The following GALNTL6 variants were observed in gnomAD, a reference collection of about 807,000 sequenced individuals.
GALNTL6 encodes polypeptide N-acetylgalactosaminyltransferase like 6.
GALNTL6 carries 46 observed loss-of-function variants against 73.7 expected under a neutral mutation model. The observed-to-expected ratio is 0.62, with a 90% CI of 0.49 to 0.80. GALNTL6 has a LOEUF of 0.80. Ranked by LOEUF, GALNTL6 falls within the 30% of genes least tolerant of loss-of-function variation. The pLI is 0.00. For missense variants in GALNTL6, 604 were observed against 755.0 expected (o/e 0.80, Z 2.34); for synonymous variants, 259 against 263.7 (o/e 0.98, Z 0.17).
chr4:172,952,334 G>A, intron 10 of GALNTL6, 76 bp downstream of exon 10: 1 of 1,022,200 alleles, frequency 9.8e-7, no homozygotes, highest in African/African-American at 1.6e-5. Context: ...GTGGTGGGAG[G>A]GACTGCTAAA....
rs141649363 is a variant in GALNTL6 at position 172,685,066 on chromosome 4, C to T, written c.554-124295C>T. On this transcript the variant is annotated intron_variant, in intron 5 of 12. Transcript: ENST00000506823. Reference sequence around the variant, plus strand: ...AAGATATGGCCTTGCACATATTAAGCATTCTATTACTTGAGTTTTCAAAAA... The same window carrying T: ...AAGATATGGCCTTGCACATATTAAGTATTCTATTACTTGAGTTTTCAAAAA... Among the ~76,000 whole-genome samples, 167 of 152,180 alleles carry T rather than the reference C, an allele frequency of 1.1e-3. 1 individual carries two copies. Among genetic ancestry groups the T allele is most frequent in the African/African-American group, 3.9e-3 (161 of 41,532 alleles).
At position 173,004,817 on chromosome 4, in the gene GALNTL6, T is replaced by C. The variant is rs183155241; in HGVS notation, c.1372-4361T>C. ...TGCACAAAGGATAGGACTGGTTCTT[T>C]TTTAATTTTTTGCTGTATACCTGGT... On this transcript the variant is annotated intron_variant, in intron 10 of 12. Coordinates refer to ENST00000506823, the MANE Select transcript of GALNTL6 (RefSeq NM_001034845.3). 1.2e-3 allele frequency among the ~76,000 whole-genome samples: 187 copies of C among 152,262 alleles called. 1 individual carries two copies. Among genetic ancestry groups the C allele is most frequent in the Non-Finnish European group, 2.2e-3 (152 of 68,014 alleles).
chr4:173,021,385 T>C, intron 11 of GALNTL6, 91 bp from the exon 12 acceptor site: 1 of 1,316,866 alleles, frequency 7.6e-7, no homozygotes, highest in Non-Finnish European at 1.1e-6. Context: ...GCAGGAGTTC[T>C]ACATTGCTAA....
intron 8 of GALNTL6, among the ~76,000 whole-genome samples, chr4:172,904,883 A>G (rs1282241438): frequency 1.3e-5 from 2 of 152,196 alleles, no homozygotes; most frequent in Non-Finnish European, 2.9e-5. Flanking sequence ...AACAAGACTA[A>G]TACTTCAAGG....
chr4:172,746,064 GATA>G (rs1456912133), intron 5 of GALNTL6, among the ~76,000 whole-genome samples: 2 of 151,996 alleles, frequency 1.3e-5, no homozygotes, highest in South Asian at 4.1e-4. Flanking sequence ...AAATTATAAT[GATA>G]ATAATAACAT....
At chr4:172,746,574 C>G (rs777038220) in intron 5 of GALNTL6, among the ~76,000 whole-genome samples, 1 of 151,796 alleles carries the variant, frequency 6.6e-6, no homozygotes, top group African/African-American at 2.4e-5. Flanking sequence ...TAATATTTTG[C>G]AGTTCTTAGC....
At chr4:171,842,713 C>T (rs1348026181) in intron 2 of GALNTL6, among the ~76,000 whole-genome samples, 1 of 152,058 alleles carries the variant, frequency 6.6e-6, no homozygotes, top group Non-Finnish European at 1.5e-5. Context: ...ACTCACTTAG[C>T]ACCAAGGGAA....
In GALNTL6 at chr4:171,844,379, G is replaced by A. The variant is rs185126351; in HGVS notation, c.138+29661G>A. 1.1e-4 allele frequency among the ~76,000 whole-genome samples: 17 copies of A among 152,034 alleles called. No individual in the cohort carries two copies. The East Asian group carries it at 2.3e-3, about 21-fold the overall frequency. On this transcript the variant is annotated intron_variant, in intron 2 of 12. Coordinates refer to ENST00000506823, the MANE Select transcript of GALNTL6 (RefSeq NM_001034845.3). ...TGAGATGCCCATCATTGTCACTTTCGTGTTCACTGATAGAGGCACCATCAT... is the reference window on the plus strand; with the variant it reads ...TGAGATGCCCATCATTGTCACTTTCATGTTCACTGATAGAGGCACCATCAT...
intron 5 of GALNTL6, among the ~76,000 whole-genome samples, chr4:172,561,393 G>A (rs1055744791): frequency 2.0e-5 from 3 of 151,934 alleles, no homozygotes; most frequent in Non-Finnish European, 4.4e-5. Context: ...TCTTTAACTG[G>A]GTTAATTTTT....
At chr4:172,706,263 T>A (rs1213352882) in intron 5 of GALNTL6, among the ~76,000 whole-genome samples, 1 of 152,036 alleles carries the variant, frequency 6.6e-6, no homozygotes, top group East Asian at 1.9e-4. Context: ...GTATTTTTCA[T>A]TTTGACCATT....
At chr4:172,895,967 TTTA>T (rs1313799270) in intron 8 of GALNTL6, among the ~76,000 whole-genome samples, 2 of 152,226 alleles carry the variant, frequency 1.3e-5, no homozygotes, top group African/African-American at 2.4e-5. Flanking sequence ...CTCTGTGATT[TTTA>T]TTATTATTTC....
At chr4:172,020,982 T>C (rs182143449) in intron 2 of GALNTL6, among the ~76,000 whole-genome samples, 183 of 152,206 alleles carry the variant, frequency 1.2e-3, no homozygotes, top group Admixed American at 1.8e-3. Flanking sequence ...ATCCCGGGGA[T>C]GCAAGGATGG....
intron 10 of GALNTL6, among the ~76,000 whole-genome samples, chr4:172,990,327 AT>A (rs1465529146): frequency 6.6e-6 from 1 of 152,160 alleles, no homozygotes; most frequent in Non-Finnish European, 1.5e-5. Context: ...TATTTTTTTA[AT>A]TTTTGTTCAT....
intron 2 of GALNTL6, among the ~76,000 whole-genome samples, chr4:172,151,954 C>G (rs201351451): frequency 1.2e-5 from 1 of 84,272 alleles, no homozygotes; most frequent in African/African-American, 3.1e-5. Flanking sequence ...ATCTATCTAT[C>G]TATCTATCTA....
intron 5 of GALNTL6, among the ~76,000 whole-genome samples, chr4:172,385,353 T>A (rs1743428687): frequency 1.3e-5 from 2 of 152,106 alleles, no homozygotes; most frequent in Admixed American, 1.3e-4. Flanking sequence ...GTTGTTCTAT[T>A]CATTGTTGAA....
intron 7 of GALNTL6, among the ~76,000 whole-genome samples, chr4:172,846,561 T>C (rs1579559869): frequency 6.6e-6 from 1 of 152,148 alleles, no homozygotes; most frequent in Admixed American, 6.5e-5. Context: ...TTTTTTGTAA[T>C]ATGGCAAAGA....
chr4:172,382,063 G>A (rs1743302906), intron 5 of GALNTL6, among the ~76,000 whole-genome samples: 1 of 152,140 alleles, frequency 6.6e-6, no homozygotes, highest in Non-Finnish European at 1.5e-5. Flanking sequence ...TCCACCTCCT[G>A]GGTTCAAGCA....
intron 10 of GALNTL6, among the ~76,000 whole-genome samples, chr4:172,982,958 A>G (rs533010779): frequency 2.6e-5 from 4 of 152,236 alleles, no homozygotes; most frequent in African/African-American, 4.8e-5. Context: ...AGAGAGTGCA[A>G]TAATAGACAA....
intron 5 of GALNTL6, among the ~76,000 whole-genome samples, chr4:172,546,645 A>C (rs1038628014): frequency 4.7e-5 from 7 of 150,504 alleles, no homozygotes; most frequent in Non-Finnish European, 5.9e-5. Flanking sequence ...TTTCTTTTCC[A>C]TTTCCTTTAC....
Sources: allele counts gnomAD v4.1 joint callset (sites outside exome capture counted in the v4.1 genomes callset), GRCh38; gene constraint gnomAD v4.1.1; transcripts MANE v1.5; gene names NCBI Gene and HGNC (gene_info 2026-07-23, HGNC 2026-07-21).